HMGB1: variants seen among roughly 807,000 people sequenced by gnomAD.
The protein encoded by HMGB1 is high mobility group box 1.
For missense variants in HMGB1, 79 were observed against 253.5 expected (o/e 0.31, Z 4.67); for synonymous variants, 81 against 84.0 (o/e 0.96, Z 0.19).
intron 1 of HMGB1, among the ~76,000 whole-genome samples, chr13:30,503,635 C>A (rs1412106380): frequency 2.1e-5 from 3 of 145,788 alleles, no homozygotes; most frequent in African/African-American, 7.4e-5. Context: ...GGTCACCGAT[C>A]CTACTCAGCT....
Position 30,555,033 on chromosome 13 carries a change from GTTTTTT to G in HMGB1, c.-15+61632_-15+61637del, listed in dbSNP as rs1007919529. ...AACCTTACATTGGATGTGTCGTTGT[GTTTTTT>G]TTTTTTTTTTTTTTTTTTTGAGACG... On this transcript the variant is annotated intron_variant, in intron 1 of 4. Transcript: ENST00000405805. 4.1e-5 allele frequency among the ~76,000 whole-genome samples: 3 copies of G among 72,440 alleles called. No homozygotes were observed. The South Asian group carries it at 1.9e-3, about 47-fold the overall frequency. The allele number at this position is 72,440 out of a possible 152,430, so 47.5% of individuals were successfully genotyped here. A position where few individuals can be genotyped will look rare whatever the true frequency, so the allele number is the denominator to read the frequency against.
chr13:30,583,621 A>T (rs1006284760), intron 1 of HMGB1, among the ~76,000 whole-genome samples: 1 of 150,866 alleles, frequency 6.6e-6, no homozygotes. Flanking sequence ...CTCCTGGATC[A>T]TGAGGTCAAG....
chr13:30,489,231 C>T (rs1194295585), intron 1 of HMGB1, among the ~76,000 whole-genome samples: 3 of 152,052 alleles, frequency 2.0e-5, no homozygotes, highest in African/African-American at 4.8e-5. Flanking sequence ...TGCAGTAGTA[C>T]GTGCCTGTAG....
chr13:30,584,964 A>G (rs1371698845), intron 1 of HMGB1, among the ~76,000 whole-genome samples: 1 of 152,134 alleles, frequency 6.6e-6, no homozygotes, highest in African/African-American at 2.4e-5. Context: ...CCTGGCCAAC[A>G]TGGCAAAACC....
chr13:30,464,609 C>T (rs1198612373), intron 1 of HMGB1: 10 of 983,720 alleles, frequency 1.0e-5, no homozygotes, highest in Non-Finnish European at 1.2e-5. Flanking sequence ...TTTTGTCAGG[C>T]TCGGCGCAGG....
intron 1 of HMGB1, chr13:30,464,539 G>C (rs545175337): frequency 1.0e-6 from 1 of 984,624 alleles, no homozygotes. Flanking sequence ...CCGGCTCCCA[G>C]GCCCGAGGCC....
chr13:30,466,446 C>T (rs2137413935), upstream of HMGB1, among the ~76,000 whole-genome samples: 1 of 152,316 alleles, frequency 6.6e-6, no homozygotes, highest in Middle Eastern at 3.4e-3. Flanking sequence ...GCGGAAGCCG[C>T]CGAGCCTCGA....
chr13:30,614,873 A>AT (rs34422229), intron 1 of HMGB1, among the ~76,000 whole-genome samples: 5,395 of 116,118 alleles, frequency 0.046, 310 homozygotes, highest in African/African-American at 0.15. Flanking sequence ...TAATTTTTGT[A>AT]TTTTTTTTTT....
intron 1 of HMGB1, among the ~76,000 whole-genome samples, chr13:30,470,946 G>A (rs1886908893): frequency 6.9e-6 from 1 of 144,398 alleles, no homozygotes; most frequent in South Asian, 2.1e-4. Flanking sequence ...ACCATGCCCA[G>A]ACTTATTTAT....
intron 1 of HMGB1, among the ~76,000 whole-genome samples, chr13:30,505,433 C>T (rs561808992): frequency 6.6e-6 from 1 of 152,214 alleles, no homozygotes; most frequent in Admixed American, 6.5e-5. Context: ...CCACCTTGAC[C>T]TCCCAAAGTG....
intron 1 of HMGB1, among the ~76,000 whole-genome samples, chr13:30,513,802 C>T (rs142663283): frequency 1.1e-3 from 161 of 152,286 alleles, no homozygotes; most frequent in Non-Finnish European, 1.8e-3. Context: ...CCCAAAGGCC[C>T]CACTTCTCAA....
intron 1 of HMGB1, among the ~76,000 whole-genome samples, chr13:30,491,261 C>T (rs1887485205): frequency 1.3e-5 from 2 of 150,546 alleles, no homozygotes; most frequent in Non-Finnish European, 2.9e-5. Flanking sequence ...AACTCCTGAC[C>T]TTAGATGATC....
chr13:30,578,988 G>T (rs1870784668), intron 1 of HMGB1, among the ~76,000 whole-genome samples: 1 of 152,122 alleles, frequency 6.6e-6, no homozygotes, highest in Admixed American at 6.5e-5. Context: ...ACAGCACATT[G>T]TTCACACAGA....
At chr13:30,480,483 C>T (rs1887201191) in intron 1 of HMGB1, among the ~76,000 whole-genome samples, 1 of 152,196 alleles carries the variant, frequency 6.6e-6, no homozygotes, top group South Asian at 2.1e-4. Context: ...GCCTCAGGCT[C>T]CTGAATAGCT....
intron 1 of HMGB1, chr13:30,540,105 G>A (rs980392306): frequency 6.5e-6 from 1 of 154,230 alleles, no homozygotes; most frequent in African/African-American, 2.4e-5. Context: ...TGAGAGTCTT[G>A]TCCTCTGGTG....
At chr13:30,464,428 T>G (rs1886579114) in intron 1 of HMGB1, 1 of 985,298 alleles carries the variant, frequency 1.0e-6, no homozygotes. Context: ...TCGGGAAGTA[T>G]TTTTTGGAGC....
At chr13:30,533,186 C>T (rs1431837953) in intron 1 of HMGB1, among the ~76,000 whole-genome samples, 1 of 152,160 alleles carries the variant, frequency 6.6e-6, no homozygotes, top group Non-Finnish European at 1.5e-5. Flanking sequence ...GCAAAGGGCC[C>T]TGGAGCCAAT....
At chr13:30,501,703 A>G (rs1320036351) in intron 1 of HMGB1, among the ~76,000 whole-genome samples, 3 of 152,220 alleles carry the variant, frequency 2.0e-5, no homozygotes, top group Non-Finnish European at 4.4e-5. Flanking sequence ...GATATGTGTC[A>G]ACAAGTATTT....
chr13:30,584,490 C>T (rs1317542931), intron 1 of HMGB1, among the ~76,000 whole-genome samples: 2 of 152,192 alleles, frequency 1.3e-5, no homozygotes, highest in Non-Finnish European at 2.9e-5. Context: ...TTTCCCCAAC[C>T]TCCTAAAATG....
Sources: gnomAD v4.1 joint callset for allele counts (sites outside exome capture counted in the v4.1 genomes callset) on GRCh38, gnomAD v4.1.1 for gene constraint, MANE v1.5 for transcripts, NCBI Gene and HGNC (gene_info 2026-07-23, HGNC 2026-07-21) for gene names.